Variants in ALMS1 observed in about 807,000 individuals in gnomAD.
ALMS1 encodes ALMS1 centrosome and basal body associated protein.
ALMS1 carries 271 observed loss-of-function variants against 352.2 expected under a neutral mutation model. The ratio of observed to expected loss-of-function variants is 0.77; its 90% CI spans 0.70 to 0.85. The LOEUF is 0.85. Ranked by LOEUF, ALMS1 falls within the 40% of genes least tolerant of loss-of-function variation. The probability of loss-of-function intolerance (pLI) is 0.00; values close to 1 mark genes in which losing one functional copy is unlikely to be tolerated. For missense variants in ALMS1, 5,445 were observed against 4,870.7 expected (o/e 1.12, Z -3.51); for synonymous variants, 1,865 against 1,761.2 (o/e 1.06, Z -1.48).
At chr2:73,496,875 C>T (rs1036819285) in intron 10 of ALMS1, among the ~76,000 whole-genome samples, 8 of 152,160 alleles carry the variant, frequency 5.3e-5, no homozygotes, top group East Asian at 1.9e-4. Context: ...CCATCCTCTT[C>T]GGTGAAGTGC....
intron 1 of ALMS1, among the ~76,000 whole-genome samples, chr2:73,388,598 C>T (rs1254021865): frequency 6.6e-6 from 1 of 152,190 alleles, no homozygotes; most frequent in Non-Finnish European, 1.5e-5. Flanking sequence ...AATTGTTTCA[C>T]TTGATAAATA....
chr2:73,441,690 A>G (rs563798025), intron 7 of ALMS1, among the ~76,000 whole-genome samples: 19 of 152,118 alleles, frequency 1.2e-4, no homozygotes, highest in Middle Eastern at 3.4e-3. Flanking sequence ...GATATAAGAG[A>G]GTTAAAAAGA....
At chr2:73,442,471 T>A (rs999888917) in intron 7 of ALMS1, among the ~76,000 whole-genome samples, 1 of 152,184 alleles carries the variant, frequency 6.6e-6, no homozygotes, top group Non-Finnish European at 1.5e-5. Flanking sequence ...TTCTCAAGTT[T>A]TAAATGCCTT....
At position 73,424,820 on chromosome 2, in the gene ALMS1, T is replaced by C. The variant is rs1330619695; in HGVS notation, c.1155T>C (p.Ser385=). The C allele has an allele frequency of 6.2e-7, 1 of 1,609,722 alleles. No individual in the cohort carries two copies. The highest frequency in any genetic ancestry group is 1.1e-5 in the South Asian group (1 of 90,634). Reference sequence around the variant, plus strand: ...ATGAAAACATAGCTACTAAAAGAAGTGACCATTTTGATGCTGCTCGTTCAT... The same window carrying C: ...ATGAAAACATAGCTACTAAAAGAAGCGACCATTTTGATGCTGCTCGTTCAT... ...ITDENIATKR[S]DHFDAARSYG... Residue 385 remains serine, a synonymous_variant, in exon 5 of 23, where the codon AGT becomes AGC. Coordinates refer to ENST00000613296, the MANE Select transcript of ALMS1 (RefSeq NM_001378454.1).
intron 10 of ALMS1, among the ~76,000 whole-genome samples, chr2:73,511,459 AC>A (rs202182094): frequency 0.015 from 2,337 of 150,954 alleles, 65 homozygotes; most frequent in African/African-American, 0.054. Flanking sequence ...ATGAGGCGAC[AC>A]CCCCACCCTG....
In ALMS1 at chr2:73,596,308, C is replaced by T. The variant is rs987476951; in HGVS notation, c.11548-3093C>T. Among the ~76,000 whole-genome samples the T allele has an allele frequency of 6.6e-5, 10 of 152,150 alleles. No individual in the cohort carries two copies. In the East Asian group the frequency reaches 1.9e-3, roughly 29 times the overall value. ...TTGTGTACGGTGTGTTGTCTAACTT[C>T]ATCTCTTTGCATAGGGATATTTAAT... is the stretch of plus-strand genomic sequence containing the variant. On this transcript the variant is annotated intron_variant, in intron 16 of 22. Transcript: ENST00000613296.
chr2:73,401,270 C>T (rs1158474243), intron 1 of ALMS1, among the ~76,000 whole-genome samples: 1 of 152,116 alleles, frequency 6.6e-6, no homozygotes, highest in Non-Finnish European at 1.5e-5. Context: ...CTTCTCCTCA[C>T]TTTAAATATG....
chr2:73,486,546 C>G (rs1672852003), intron 9 of ALMS1, among the ~76,000 whole-genome samples: 1 of 152,098 alleles, frequency 6.6e-6, no homozygotes, highest in Admixed American at 6.5e-5. Flanking sequence ...TTGTCTGTGT[C>G]CATTGTTCCT....
rs541890856 is a variant in ALMS1 at position 73,409,339 on chromosome 2, C to T, written c.450+592C>T. ...TGTTTACTGGGCTGGTCTCTCATTC[C>T]TGGCCTTAAGTGATCCTCTTGCCTC... On this transcript the variant is annotated intron_variant, in intron 2 of 22. Coordinates refer to ENST00000613296, the MANE Select transcript of ALMS1 (RefSeq NM_001378454.1). Among the ~76,000 whole-genome samples the T allele has an allele frequency of 3.2e-4, 48 of 152,092 alleles. No homozygotes were observed. The South Asian group carries it at 5.8e-3, about 18-fold the overall frequency.
intron 9 of ALMS1, chr2:73,470,343 A>T (rs1365086164): frequency 2.6e-5 from 4 of 151,422 alleles, no homozygotes; most frequent in African/African-American, 9.7e-5. Flanking sequence ...CTTCCCTCTT[A>T]GTCCTGATTT....
In ALMS1 at chr2:73,573,309, G is replaced by C; in HGVS notation, c.11432G>C (p.Ser3811Thr). The C allele has an allele frequency of 6.2e-7, 1 of 1,614,054 alleles. No individual in the cohort carries two copies. Among genetic ancestry groups the C allele is most frequent in the Non-Finnish European group, 8.5e-7 (1 of 1,180,008 alleles). The change falls in exon 16 of 23, where the codon AGC (serine) becomes ACC (threonine). Residue 3811 changes from serine to threonine, a missense_variant. Coordinates refer to ENST00000613296, the MANE Select transcript of ALMS1 (RefSeq NM_001378454.1). The stretch of plus-strand genomic sequence containing the variant: ...CCCAGACGAATTAAATTATATAGCA[G>C]CATCACCAACCAACAGAGGAGATAC... ...LSPRRIKLYS[S>T]ITNQQRRYLE...
At chr2:73,571,621 A>G (rs1674929389) in intron 15 of ALMS1, among the ~76,000 whole-genome samples, 2 of 152,154 alleles carry the variant, frequency 1.3e-5, no homozygotes, top group Admixed American at 1.3e-4. Flanking sequence ...TCTTAGAGGG[A>G]CGCAAACATT....
At chr2:73,516,623 T>G (rs1340259474) in intron 10 of ALMS1, among the ~76,000 whole-genome samples, 1 of 152,260 alleles carries the variant, frequency 6.6e-6, no homozygotes, top group Non-Finnish European at 1.5e-5. Context: ...GGCTTTCAGG[T>G]GTTTGAACTC....
At chr2:73,554,266 T>C (rs989321355) in intron 13 of ALMS1, among the ~76,000 whole-genome samples, 2 of 151,964 alleles carry the variant, frequency 1.3e-5, no homozygotes, top group African/African-American at 4.8e-5. Flanking sequence ...TACAAGAGTT[T>C]ATCTCATAGT....
intron 9 of ALMS1, among the ~76,000 whole-genome samples, chr2:73,467,953 G>A (rs930320911): frequency 7.9e-5 from 12 of 152,020 alleles, no homozygotes; most frequent in African/African-American, 2.4e-4. Flanking sequence ...CTGGGAAGAC[G>A]CACAAGAGGT....
chr2:73,607,220 C>T (rs371376972), intron 21 of ALMS1, among the ~76,000 whole-genome samples: 2 of 152,076 alleles, frequency 1.3e-5, no homozygotes, highest in Non-Finnish European at 2.9e-5. Flanking sequence ...TTATTTTATT[C>T]AACATTATGT....
chr2:73,600,965 ACT>A, intron 18 of ALMS1, 84 bp downstream of exon 18: 5 of 1,491,034 alleles, frequency 3.4e-6, no homozygotes, highest in Non-Finnish European at 4.6e-6. Flanking sequence ...TTTCCAAGTG[ACT>A]CTATGTGGTC....
At chr2:73,513,471 T>G (rs2103948750) in intron 10 of ALMS1, among the ~76,000 whole-genome samples, 1 of 152,184 alleles carries the variant, frequency 6.6e-6, no homozygotes, top group Non-Finnish European at 1.5e-5. Context: ...CTACGCCATT[T>G]AGACAGCCTC....
intron 16 of ALMS1, among the ~76,000 whole-genome samples, chr2:73,582,157 T>C (rs1203923957): frequency 1.3e-5 from 2 of 152,266 alleles, no homozygotes; most frequent in African/African-American, 2.4e-5. Context: ...TGAGTCACTT[T>C]ACTCAAGTGT....
Sources: allele counts gnomAD v4.1 joint callset (sites outside exome capture counted in the v4.1 genomes callset), GRCh38; gene constraint gnomAD v4.1.1; transcripts MANE v1.5; gene names NCBI Gene and HGNC (gene_info 2026-07-23, HGNC 2026-07-21).